The following OSBPL1A variants were observed in gnomAD, a reference collection of about 807,000 sequenced individuals.
OSBPL1A encodes oxysterol-binding protein-related protein 1.
In OSBPL1A, 80 loss-of-function variants were observed where a neutral mutation model predicts 137.1. That is an observed-to-expected ratio of 0.58 (90% CI 0.49 to 0.70). The LOEUF (loss-of-function observed/expected upper bound fraction) is 0.70. Among genes scored for constraint, OSBPL1A ranks in the 30% least tolerant of loss-of-function variants. OSBPL1A has a pLI of 0.00. For synonymous variants in OSBPL1A, 365 were observed against 389.7 expected (o/e 0.94, Z 0.75); for missense variants, 970 against 1,129.4 (o/e 0.86, Z 2.02).
chr18:24,309,143 T>C (rs2090566238), intron 13 of OSBPL1A, among the ~76,000 whole-genome samples: 2 of 152,242 alleles, frequency 1.3e-5, no homozygotes, highest in Admixed American at 1.3e-4. Context: ...ACAGGAAAGC[T>C]AATAGCTATC....
chr18:24,166,069 C>T (rs2086139580), intron 26 of OSBPL1A, among the ~76,000 whole-genome samples: 1 of 152,006 alleles, frequency 6.6e-6, no homozygotes, highest in Admixed American at 6.6e-5. Context: ...TGCACTCCAG[C>T]CTGGGAGACA....
intron 18 of OSBPL1A, among the ~76,000 whole-genome samples, chr18:24,192,310 C>T (rs370028320): frequency 5.9e-5 from 9 of 152,198 alleles, no homozygotes; most frequent in Admixed American, 6.5e-5. Context: ...ACAGGGTACA[C>T]ACAGGACATG....
intron 7 of OSBPL1A, chr18:24,321,782 A>G (rs529188674): frequency 4.3e-6 from 2 of 459,840 alleles, no homozygotes; most frequent in East Asian, 1.4e-4. Context: ...AAGAGATGGC[A>G]TGATATCTGG....
chr18:24,365,068 T>C (rs2146191513), intron 4 of OSBPL1A, among the ~76,000 whole-genome samples: 1 of 147,318 alleles, frequency 6.8e-6, no homozygotes, highest in African/African-American at 2.5e-5. Context: ...ATTTAAATTA[T>C]GGTCAACTGA....
intron 4 of OSBPL1A, among the ~76,000 whole-genome samples, chr18:24,343,320 T>C (rs1764028018): frequency 6.6e-6 from 1 of 152,022 alleles, no homozygotes; most frequent in Admixed American, 6.6e-5. Flanking sequence ...CTGAAAGAAA[T>C]GTAAAATGAC....
At chr18:24,190,686 C>T (rs961456557) in intron 18 of OSBPL1A, among the ~76,000 whole-genome samples, 38 of 152,218 alleles carry the variant, frequency 2.5e-4, no homozygotes, top group African/African-American at 8.4e-4. Flanking sequence ...TATCCTCTGT[C>T]GCTCTAGTTG....
At position 24,225,117 on chromosome 18, in the gene OSBPL1A, C is replaced by T. The variant is rs767044861; in HGVS notation, c.1526G>A (p.Ser509Asn). Residue 509 changes from serine to asparagine, a missense_variant, in exon 17 of 28, where the codon AGT becomes AAT. Physicochemically the swap from Ser to Asn is conservative, Grantham distance 46. Around this residue, in one of 2 missense-constraint regions of OSBPL1A, gnomAD observed 647 missense variants for 672.6 expected, o/e 0.96. Coordinates refer to ENST00000319481, the MANE Select transcript of OSBPL1A (RefSeq NM_080597.4). ...TTCTTCGGACATTCTGTGTTTTCTA[C>T]TGCCCAAATGCTCTCCTTCCTCTTC... ...SFEEEGEHLG[S>N]RKHRMSEEKD... The T allele has an allele frequency of 6.2e-7, 1 of 1,614,178 alleles. No homozygotes were observed. Among genetic ancestry groups the T allele is most frequent in the East Asian group, 2.2e-5 (1 of 44,880 alleles).
At chr18:24,316,836 C>A (rs1046898007) in intron 11 of OSBPL1A, among the ~76,000 whole-genome samples, 9 of 152,300 alleles carry the variant, frequency 5.9e-5, no homozygotes, top group Non-Finnish European at 1.2e-4. Context: ...AATACACATT[C>A]TTTTCAATTG....
intron 17 of OSBPL1A, among the ~76,000 whole-genome samples, chr18:24,197,871 C>G (rs1332486357): frequency 6.6e-6 from 1 of 150,800 alleles, no homozygotes; most frequent in Non-Finnish European, 1.5e-5. Flanking sequence ...CACTGCAACC[C>G]TGCCTCCCGG....
chr18:24,307,254 G>A (rs1443292513), intron 13 of OSBPL1A, among the ~76,000 whole-genome samples: 1 of 152,058 alleles, frequency 6.6e-6, no homozygotes. Flanking sequence ...CTGCACTCCA[G>A]CCTGGATGAC....
intron 17 of OSBPL1A, among the ~76,000 whole-genome samples, chr18:24,207,018 C>G (rs2087393709): frequency 6.6e-6 from 1 of 152,116 alleles, no homozygotes; most frequent in Non-Finnish European, 1.5e-5. Context: ...CCTAATGTCT[C>G]AAGTTACGAT....
chr18:24,297,119 C>A (rs1215170041), intron 14 of OSBPL1A, among the ~76,000 whole-genome samples: 1 of 152,090 alleles, frequency 6.6e-6, no homozygotes, highest in Non-Finnish European at 1.5e-5. Context: ...GTGAATACAT[C>A]TGGTCATGGG....
intron 16 of OSBPL1A, among the ~76,000 whole-genome samples, chr18:24,236,251 G>A (rs2088469633): frequency 6.6e-6 from 1 of 152,116 alleles, no homozygotes; most frequent in Admixed American, 6.6e-5. Context: ...TGTAGGTGAA[G>A]GAAGCAATAA....
At chr18:24,291,790 T>G (rs369739240) in intron 14 of OSBPL1A, among the ~76,000 whole-genome samples, 101 of 149,276 alleles carry the variant, frequency 6.8e-4, no homozygotes, top group Middle Eastern at 7.0e-3. Context: ...AACGAGAGAT[T>G]GCCTGTAATT....
chr18:24,285,537 A>G (rs1424363475), intron 14 of OSBPL1A, among the ~76,000 whole-genome samples: 2 of 152,218 alleles, frequency 1.3e-5, no homozygotes, highest in East Asian at 3.8e-4. Flanking sequence ...GTTTTTCAAC[A>G]TTTAACTGAA....
At chr18:24,211,349 A>G (rs1432747963) in intron 17 of OSBPL1A, among the ~76,000 whole-genome samples, 1 of 152,202 alleles carries the variant, frequency 6.6e-6, no homozygotes, top group African/African-American at 2.4e-5. Flanking sequence ...ACATTATTGC[A>G]ATCTTTTAAA....
rs137911211 is a variant in OSBPL1A at position 24,225,152 on chromosome 18, T to C, written c.1491A>G (p.Ala497=). 45 of 1,614,176 alleles carry C rather than the reference T, an allele frequency of 2.8e-5. No individual in the cohort carries two copies. The African/African-American group carries it at 5.5e-4, about 20-fold the overall frequency. ...GCTCTCCTTCCTCTTCAAAGGAGCG[T>C]GCTGTCACTGCTTCCAATCTACTCA... ...RSLSRLEAVT[A]RSFEEEGEHL... Residue 497 remains alanine (A), a synonymous_variant, in exon 17 of 28, where the codon GCA becomes GCG. Transcript: ENST00000319481.
intron 1 of OSBPL1A, among the ~76,000 whole-genome samples, chr18:24,385,427 G>A (rs760470629): frequency 8.5e-5 from 13 of 152,064 alleles, no homozygotes; most frequent in Admixed American, 3.9e-4. Flanking sequence ...TTAAATAGTG[G>A]GAGTTATCAT....
rs561650260 is a variant in OSBPL1A, at chr18:24,270,410, G to C, written c.1281+10432C>G. 9.2e-5 allele frequency among the ~76,000 whole-genome samples: 14 copies of C among 152,240 alleles called. No homozygotes were observed. In the South Asian group the frequency reaches 2.7e-3, roughly 29 times the overall value. ...CCCCCATTATGCAGGGCTCACAACT[G>C]GGGGCAAAGAAATTATACGGGTCAC... On this transcript the variant is annotated intron_variant, in intron 15 of 27. Transcript: ENST00000319481.
Sources: allele counts gnomAD v4.1 joint callset (sites outside exome capture counted in the v4.1 genomes callset), GRCh38; gene constraint gnomAD v4.1.1; regional missense constraint gnomAD v4.1.1; transcripts MANE v1.5; gene names NCBI Gene and HGNC (gene_info 2026-07-23, HGNC 2026-07-21).